Variants in NIBAN2 observed in about 807,000 individuals in gnomAD.
NIBAN2 encodes niban apoptosis regulator 2.
In NIBAN2, 36 loss-of-function variants were observed where a neutral mutation model predicts 81.8. The observed-to-expected ratio is 0.44, with a 90% CI of 0.34 to 0.58. The LOEUF (loss-of-function observed/expected upper bound fraction) is 0.58, where lower values mean the gene tolerates loss of function less well. Ranked by LOEUF, NIBAN2 falls within the 20% of genes least tolerant of loss-of-function variation. NIBAN2 has a pLI of 0.02. For missense variants in NIBAN2, 897 were observed against 1,014.1 expected (o/e 0.88, Z 1.57); for synonymous variants, 445 against 441.6 (o/e 1.01, Z -0.10).
intron 8 of NIBAN2, among the ~76,000 whole-genome samples, chr9:127,515,809 C>T (rs978153667): frequency 3.3e-5 from 5 of 152,094 alleles, no homozygotes; most frequent in Admixed American, 6.6e-5. Context: ...GCACTCCAGC[C>T]TGGGCAACAG....
chr9:127,509,247 A>G, intron 9 of NIBAN2, 116 bp from the exon 10 acceptor site: 6 of 986,614 alleles, frequency 6.1e-6, no homozygotes, highest in Non-Finnish European at 8.7e-6. Context: ...GCCTGCTACC[A>G]GGGATGGCCA....
chr9:127,515,929 G>A (rs1243847283), intron 8 of NIBAN2, among the ~76,000 whole-genome samples: 9 of 149,304 alleles, frequency 6.0e-5, no homozygotes, highest in African/African-American at 2.2e-4. Context: ...CTTGAGCTCA[G>A]GCATTTGAGA....
chr9:127,527,729 C>T (rs187331384), intron 2 of NIBAN2, among the ~76,000 whole-genome samples: 4 of 152,326 alleles, frequency 2.6e-5, no homozygotes, highest in East Asian at 3.9e-4. Flanking sequence ...GAGGTCGCTC[C>T]GGGCACGGGG....
chr9:127,528,326 G>C (rs1459235120), intron 2 of NIBAN2, among the ~76,000 whole-genome samples: 1 of 152,216 alleles, frequency 6.6e-6, no homozygotes, highest in Non-Finnish European at 1.5e-5. Context: ...AGTGGAAGAG[G>C]CTTCGTCTTG....
rs1296723660 is a variant in NIBAN2, at chr9:127,508,141, C to T, written c.1494G>A (p.Gln498=). Residue 498 remains glutamine, a synonymous_variant, in exon 12 of 14, where the codon CAG becomes CAA. Transcript: ENST00000373312. This position sits in a 1 kb window ranked among gnomAD's most constrained non-coding sequence, Gnocchi z 6.4. ...RKRFFREALL[Q]ISIPFLLKKL... is the part of the protein sequence containing the mutation. Reference sequence around the variant, plus strand: ...TCTTGAGCAGGAACGGGATGCTGATCTGCAGCAGCGCCTCCCGGAAGAACC... The same window carrying T: ...TCTTGAGCAGGAACGGGATGCTGATTTGCAGCAGCGCCTCCCGGAAGAACC... 1 of 1,613,680 alleles carries T rather than the reference C, an allele frequency of 6.2e-7. No individual in the cohort carries two copies. Among genetic ancestry groups the T allele is most frequent in the Non-Finnish European group, 8.5e-7 (1 of 1,180,028 alleles).
At chr9:127,575,147 C>T (rs893083847) in intron 1 of NIBAN2, among the ~76,000 whole-genome samples, 1 of 152,214 alleles carries the variant, frequency 6.6e-6, no homozygotes, top group African/African-American at 2.4e-5. Context: ...CACTTCCCCT[C>T]CCCATTCTCT....
chr9:127,551,132 T>C (rs62585034), intron 1 of NIBAN2, among the ~76,000 whole-genome samples: 1,684 of 152,276 alleles, frequency 0.011, 21 homozygotes, highest in Non-Finnish European at 0.016. Context: ...CTCATGTCTG[T>C]AATCCCAACA....
In NIBAN2 at chr9:127,545,317, C is replaced by T. The variant is rs1378470442; in HGVS notation, c.56-13539G>A. The stretch of plus-strand genomic sequence containing the variant: ...CTCCCACAGCCCCTGGCCTGCTCCC[C>T]GGCACTCCCCTCAACCACAGTTAAT... On this transcript the variant is annotated intron_variant, in intron 1 of 13. Coordinates refer to ENST00000373312, the MANE Select transcript of NIBAN2 (RefSeq NM_022833.4). The surrounding 1 kb of genome is among the most constrained non-coding windows in gnomAD (Gnocchi z 4.7). Among the ~76,000 whole-genome samples, 2 of 152,184 alleles carry T rather than the reference C, an allele frequency of 1.3e-5. No homozygotes were observed. Among genetic ancestry groups the T allele is most frequent in the Non-Finnish European group, 2.9e-5 (2 of 68,032 alleles).
chr9:127,573,195 G>A (rs1186828820), upstream of NIBAN2, among the ~76,000 whole-genome samples: 1 of 152,184 alleles, frequency 6.6e-6, no homozygotes, highest in Non-Finnish European at 1.5e-5. Flanking sequence ...GTCCTTGTGG[G>A]GCCTAAGCCA....
chr9:127,522,563 A>C (rs1455842311), intron 5 of NIBAN2, among the ~76,000 whole-genome samples: 1 of 151,520 alleles, frequency 6.6e-6, no homozygotes, highest in Non-Finnish European at 1.5e-5. Flanking sequence ...GCTTTTCCAG[A>C]CCTGACCCCA....
At chr9:127,521,684 C>T (rs1432284486) in intron 5 of NIBAN2, among the ~76,000 whole-genome samples, 1 of 152,148 alleles carries the variant, frequency 6.6e-6, no homozygotes, top group East Asian at 1.9e-4. Context: ...AAACCAGCCT[C>T]GTCAGCTCCC....
Position 127,554,185 on chromosome 9 carries a change from C to G in NIBAN2, c.55+14635G>C, listed in dbSNP as rs114451593. On this transcript the variant is annotated intron_variant, in intron 1 of 13. Transcript: ENST00000373312. Reference sequence around the variant, plus strand: ...TCATCACAGAAACTGAGTCCTCATTCTAAAGTCCAGCTAACAAGTGTTCAT... The same window carrying G: ...TCATCACAGAAACTGAGTCCTCATTGTAAAGTCCAGCTAACAAGTGTTCAT... Among the ~76,000 whole-genome samples, 1,181 of 152,306 alleles carry G rather than the reference C, an allele frequency of 7.8e-3. 13 individuals carry two copies. Among genetic ancestry groups the G allele is most frequent in the African/African-American group, 0.027 (1,115 of 41,564 alleles).
At chr9:127,509,821 TCTCCTTCCCTCCTTCCCTC>T (rs1836698547) in intron 9 of NIBAN2, 1 of 78,530 alleles carries the variant, frequency 1.3e-5, no homozygotes, top group Middle Eastern at 6.8e-3. Flanking sequence ...CCTTCCCTCC[TCTCCTTCCCTCCTTCCCTC>T]TCCCCTCCTC....
In NIBAN2 at chr9:127,507,254, G is replaced by A; in HGVS notation, c.1832C>T (p.Thr611Ile). The change falls in exon 14 of 14, where the codon ACC becomes ATC. Residue 611 changes from threonine (T) to isoleucine (I), a missense_variant. Transcript: ENST00000373312. The surrounding 1 kb of genome is among the most constrained non-coding windows in gnomAD (Gnocchi z 6.8). The part of the protein sequence containing the change: ...SPSPSTPESA[T>I]LSEKRRRAKQ... Reference sequence around the variant, plus strand: ...GGCGCGCCGTCGCTTTTCCGAGAGGGTGGCTGACTCCGGGGTGCTGGGGCT... The same window carrying A: ...GGCGCGCCGTCGCTTTTCCGAGAGGATGGCTGACTCCGGGGTGCTGGGGCT... 1.9e-6 allele frequency: 3 copies of A among 1,609,308 alleles called. No homozygotes were observed. The highest frequency in any genetic ancestry group is 8.5e-7 in the Non-Finnish European group (1 of 1,177,104).
chr9:127,508,522 A>G lies in NIBAN2; in HGVS notation c.1334T>C (p.Val445Ala). The G allele has an allele frequency of 6.2e-7, 1 of 1,613,766 alleles. No homozygotes were observed. The highest frequency in any genetic ancestry group is 8.5e-7 in the Non-Finnish European group (1 of 1,179,892). Reference protein sequence around the residue: ...IHMREQMDNAVYTFETLLHQE... With the variant: ...IHMREQMDNAAYTFETLLHQE... ...GTGCAGGAGGGTCTCGAACGTATAC[A>G]CGGCATTGTCCATTTGCTGCAGGGC... Residue 445 changes from valine to alanine, a missense_variant, in exon 11 of 14, where the codon GTG (valine) becomes GCG (alanine). Val to Ala is a moderately conservative substitution (Grantham distance 64). Coordinates refer to ENST00000373312, the MANE Select transcript of NIBAN2 (RefSeq NM_022833.4). The surrounding 1 kb of genome is among the most constrained non-coding windows in gnomAD (Gnocchi z 6.4).
chr9:127,533,906 C>G (rs1294197141), intron 1 of NIBAN2, among the ~76,000 whole-genome samples: 1 of 152,238 alleles, frequency 6.6e-6, no homozygotes, highest in Non-Finnish European at 1.5e-5. Context: ...CTTTCACTGG[C>G]CATTTGCTTC....
intron 3 of NIBAN2, among the ~76,000 whole-genome samples, chr9:127,526,687 C>G (rs1006770084): frequency 7.2e-5 from 11 of 152,276 alleles, no homozygotes; most frequent in African/African-American, 2.6e-4. Flanking sequence ...TGGGGCTTCC[C>G]TGAGGGCTCA....
At chr9:127,573,900 T>C (rs1227097833), upstream of NIBAN2, among the ~76,000 whole-genome samples, 1 of 152,188 alleles carries the variant, frequency 6.6e-6, no homozygotes, top group Non-Finnish European at 1.5e-5. Context: ...ACAAGTGATC[T>C]GCCTCCCTTG....
intron 1 of NIBAN2, among the ~76,000 whole-genome samples, chr9:127,575,122 G>T (rs919026088): frequency 2.6e-5 from 4 of 152,064 alleles, no homozygotes; most frequent in Admixed American, 2.6e-4. Flanking sequence ...GGGGGCCCCT[G>T]CCAGTCCCTC....
Sources: gnomAD v4.1 joint callset for allele counts (sites outside exome capture counted in the v4.1 genomes callset) on GRCh38, gnomAD v4.1.1 for gene constraint, Gnocchi (gnomAD v3.1) non-coding constraint, MANE v1.5 for transcripts, NCBI Gene and HGNC (gene_info 2026-07-23, HGNC 2026-07-21) for gene names.